MUC22: variants seen among roughly 807,000 people sequenced by gnomAD.
MUC22 encodes the protein mucin-22.
MUC22 carries 24 observed loss-of-function variants against 40.3 expected under a neutral mutation model. That is an observed-to-expected ratio of 0.60 (90% CI 0.43 to 0.84). The LOEUF is 0.84. Ranked by LOEUF, MUC22 falls within the 40% of genes least tolerant of loss-of-function variation. The pLI is 0.00. For synonymous variants in MUC22, 765 were observed against 844.5 expected (o/e 0.91, Z 1.63); for missense variants, 1,926 against 2,130.7 (o/e 0.90, Z 1.89).
chr6:31,006,973 A>G (rs1763562231), upstream of MUC22, among the ~76,000 whole-genome samples: 1 of 151,838 alleles, frequency 6.6e-6, no homozygotes, highest in African/African-American at 2.4e-5. Context: ...ATATAGTGAG[A>G]CCCCCCACAT....
At chr6:31,016,965 G>A (rs1365756113) in intron 1 of MUC22, among the ~76,000 whole-genome samples, 1 of 152,230 alleles carries the variant, frequency 6.6e-6, no homozygotes, top group Non-Finnish European at 1.5e-5. Context: ...TGCGGAGGGT[G>A]CGCCAGGTTC....
chr6:31,029,519 C>T, exon 2 of MUC22: 1 of 1,534,500 alleles, frequency 6.5e-7, no homozygotes, highest in Non-Finnish European at 8.7e-7. Context: ...ATCACAGGCT[C>T]TAAGACTACC....
At chr6:31,013,390 G>A (rs1485167543) in intron 1 of MUC22, among the ~76,000 whole-genome samples, 1 of 151,632 alleles carries the variant, frequency 6.6e-6, no homozygotes, top group African/African-American at 2.4e-5. Flanking sequence ...GCCTCCCAAA[G>A]TGCTGGGATT....
intron 1 of MUC22, among the ~76,000 whole-genome samples, chr6:31,018,642 C>T (rs543661134): frequency 4.1e-4 from 62 of 152,364 alleles, no homozygotes; most frequent in African/African-American, 1.4e-3. Flanking sequence ...TATACTTATT[C>T]TTTTATTCAT....
chr6:31,032,954 C>T lies in MUC22; in HGVS notation c.5055+373C>T, dbSNP rs1766177720. 6.6e-6 allele frequency among the ~76,000 whole-genome samples: 1 copy of T among 152,094 alleles called. No homozygotes were observed. The highest frequency in any genetic ancestry group is 1.5e-5 in the Non-Finnish European group (1 of 68,004). Reference sequence around the variant, plus strand: ...GCCAAGGAGGGCGGATCACTTGAGTCCAGGCATTTGAGACCAGCCTGGCCA... The same window carrying T: ...GCCAAGGAGGGCGGATCACTTGAGTTCAGGCATTTGAGACCAGCCTGGCCA... On this transcript the variant is annotated intron_variant, in intron 3 of 3. Coordinates refer to ENST00000561890, the Ensembl canonical transcript of MUC22. The surrounding 1 kb of genome is among the most constrained non-coding windows in gnomAD (Gnocchi z 4.1).
At chr6:31,021,989 C>T (rs1764821824) in intron 1 of MUC22, among the ~76,000 whole-genome samples, 1 of 152,126 alleles carries the variant, frequency 6.6e-6, no homozygotes, top group Non-Finnish European at 1.5e-5. Context: ...GCCAGCGAGC[C>T]CACGAGCCCA....
At chr6:31,021,124 G>A (rs1395211234) in intron 1 of MUC22, among the ~76,000 whole-genome samples, 1 of 152,260 alleles carries the variant, frequency 6.6e-6, no homozygotes, top group Non-Finnish European at 1.5e-5. Flanking sequence ...GCGTAGGACT[G>A]GCAGGCAGCT....
At chr6:31,007,086 TTTA>T (rs1356550413), upstream of MUC22, among the ~76,000 whole-genome samples, 2 of 152,224 alleles carry the variant, frequency 1.3e-5, no homozygotes, top group Non-Finnish European at 2.9e-5. This position sits in a 1 kb window ranked among gnomAD's most constrained non-coding sequence, Gnocchi z 4.0. Context: ...AGTAAAAACT[TTTA>T]TTATTTCAAT....
At chr6:31,034,721 G>A in exon 4 of MUC22, 1 of 1,535,504 alleles carries the variant, frequency 6.5e-7, no homozygotes. Context: ...TACCCCCATG[G>A]CCACAGCCAC....
At chr6:31,030,590 G>A (rs1438859930) in intron 2 of MUC22, among the ~76,000 whole-genome samples, 1 of 109,458 alleles carries the variant, frequency 9.1e-6, no homozygotes, top group Non-Finnish European at 1.9e-5. Flanking sequence ...TTTTTTTTAA[G>A]TGCCCACCAC....
At position 31,026,828 on chromosome 6, in the gene MUC22, C is replaced by A. The variant is rs771656383; in HGVS notation, c.1397C>A (p.Thr466Asn). The change falls in exon 2 of 4, where the codon ACC (threonine) becomes AAC (asparagine). Residue 466 changes from threonine (T) to asparagine (N), a missense_variant. Physicochemically the swap from Thr to Asn is moderately conservative, Grantham distance 65 (BLOSUM62 0). This residue lies in a region of MUC22 where 1,281 missense variants were observed against 1,337.8 expected (regional missense o/e 0.96). Coordinates refer to ENST00000561890, the Ensembl canonical transcript of MUC22. ...ACAGTCTCCACCACAGGCTCTGAGA[C>A]CACAACAGCCTCTACTGCACATTCT... 4 of 1,494,094 alleles carry A rather than the reference C, an allele frequency of 2.7e-6. 1 individual carries two copies. Among genetic ancestry groups the A allele is most frequent in the African/African-American group, 2.8e-5 (2 of 71,928 alleles). The allele number at this position is 1,494,094 out of a possible 1,614,324, so 92.6% of individuals were successfully genotyped here.
upstream of MUC22, among the ~76,000 whole-genome samples, chr6:31,010,214 G>A (rs934558665): frequency 6.6e-6 from 1 of 152,148 alleles, no homozygotes; most frequent in Non-Finnish European, 1.5e-5. Flanking sequence ...GGTCAGCTCT[G>A]GTTCAAAGGG....
intron 1 of MUC22, among the ~76,000 whole-genome samples, chr6:31,022,210 G>A (rs1018961387): frequency 6.6e-6 from 1 of 152,182 alleles, no homozygotes; most frequent in African/African-American, 2.4e-5. Context: ...CTTCATTCTT[G>A]AAGTCAGTGA....
At chr6:31,027,631 G>A in exon 2 of MUC22, 1 of 1,529,152 alleles carries the variant, frequency 6.5e-7, no homozygotes, top group Non-Finnish European at 8.7e-7. Context: ...TACAGGCTCT[G>A]AGACCACCAC....
In MUC22 at chr6:31,028,080, TG is replaced by T; in HGVS notation, c.2650del (p.Glu884ArgfsTer157). On this transcript the variant is annotated frameshift_variant, in exon 2 of 4. Coordinates refer to ENST00000561890, the Ensembl canonical transcript of MUC22. LOFTEE classifies it high-confidence loss of function. ...CCACCACAGCCTCTACTACAAGCTC[TG>T]AGACCACCACAGCCTCTACTGAAGG... 6.5e-7 allele frequency: 1 copy of T among 1,533,910 alleles called. No homozygotes were observed.
At chr6:31,021,085 G>A (rs543993231) in intron 1 of MUC22, among the ~76,000 whole-genome samples, 7 of 152,366 alleles carry the variant, frequency 4.6e-5, no homozygotes, top group Non-Finnish European at 5.9e-5. Flanking sequence ...CCCACCGACC[G>A]CCCACGGGCT....
At chr6:31,015,321 G>T (rs894517935) in intron 1 of MUC22, among the ~76,000 whole-genome samples, 1 of 152,124 alleles carries the variant, frequency 6.6e-6, no homozygotes, top group African/African-American at 2.4e-5. Context: ...GTCAAAACAT[G>T]ATAATATACA....
chr6:31,007,997 T>C (rs983426608), upstream of MUC22, among the ~76,000 whole-genome samples: 2 of 152,258 alleles, frequency 1.3e-5, no homozygotes, highest in African/African-American at 4.8e-5. The surrounding 1 kb of genome is among the most constrained non-coding windows in gnomAD (Gnocchi z 4.0). Context: ...TGTAGCTTTG[T>C]GGTTTTATAT....
At chr6:31,028,676 C>T (rs1193433901) in exon 2 of MUC22, 3 of 1,533,542 alleles carry the variant, frequency 2.0e-6, no homozygotes, top group Non-Finnish European at 2.6e-6. Flanking sequence ...ACTGCAGGCT[C>T]TGAGACCATC....
Sources: gnomAD v4.1 joint callset for allele counts (sites outside exome capture counted in the v4.1 genomes callset) on GRCh38, gnomAD v4.1.1 for gene constraint, gnomAD v4.1.1 regional missense constraint, Gnocchi (gnomAD v3.1) non-coding constraint, MANE v1.5 for transcripts, NCBI Gene and HGNC (gene_info 2026-07-23, HGNC 2026-07-21) for gene names.